CUBN: variants seen among roughly 807,000 people sequenced by gnomAD.
CUBN encodes the protein cubilin, also known as 460 kDa receptor.
In CUBN, 282 loss-of-function variants were observed where a neutral mutation model predicts 405.3. The ratio of observed to expected loss-of-function variants is 0.70; its 90% CI spans 0.63 to 0.77. The LOEUF is 0.77. Among genes scored for constraint, CUBN ranks in the 30% least tolerant of loss-of-function variants. The pLI is 0.00. For missense variants in CUBN, 4,514 were observed against 4,475.2 expected (o/e 1.01, Z -0.25); for synonymous variants, 1,684 against 1,617.0 (o/e 1.04, Z -0.99).
chr10:16,836,988 T>C (rs1467992771), intron 62 of CUBN, among the ~76,000 whole-genome samples: 1 of 152,088 alleles, frequency 6.6e-6, no homozygotes, highest in Non-Finnish European at 1.5e-5. Context: ...GTCAGGGTAT[T>C]TGCAGCCTCC....
At chr10:17,116,810 G>A (rs1836912430) in intron 6 of CUBN, among the ~76,000 whole-genome samples, 2 of 152,254 alleles carry the variant, frequency 1.3e-5, no homozygotes, top group South Asian at 4.1e-4. Context: ...GAAGAGGAGA[G>A]CAATGAGTGT....
chr10:16,993,067 G>A (rs1278089401), intron 28 of CUBN, among the ~76,000 whole-genome samples: 2 of 152,116 alleles, frequency 1.3e-5, no homozygotes, highest in African/African-American at 2.4e-5. Flanking sequence ...CATGTAACTC[G>A]TGTTAAGATG....
At chr10:16,994,078 C>G (rs759948535) in intron 28 of CUBN, among the ~76,000 whole-genome samples, 1 of 152,194 alleles carries the variant, frequency 6.6e-6, no homozygotes, top group African/African-American at 2.4e-5. Context: ...CATATGCATA[C>G]ATATGTAACA....
chr10:16,976,325 T>C (rs1297288693), intron 31 of CUBN, among the ~76,000 whole-genome samples: 1 of 152,130 alleles, frequency 6.6e-6, no homozygotes, highest in African/African-American at 2.4e-5. Flanking sequence ...TGGCCGGTAG[T>C]TACTTTTTTT....
At chr10:16,975,278 A>T (rs1463586853) in intron 31 of CUBN, among the ~76,000 whole-genome samples, 1 of 152,010 alleles carries the variant, frequency 6.6e-6, no homozygotes, top group Non-Finnish European at 1.5e-5. Context: ...TTGAGGTTTC[A>T]CTCCTGCTGT....
chr10:16,987,488 G>A (rs929570949), intron 29 of CUBN, among the ~76,000 whole-genome samples: 1 of 152,044 alleles, frequency 6.6e-6, no homozygotes, highest in African/African-American at 2.4e-5. Flanking sequence ...TCAGCATTCC[G>A]GGGTTATGAG....
chr10:17,020,476 C>T (rs1342208340), intron 27 of CUBN, among the ~76,000 whole-genome samples: 2 of 152,066 alleles, frequency 1.3e-5, no homozygotes, highest in African/African-American at 4.8e-5. Flanking sequence ...GGGTAGCCAT[C>T]CCTTCAAGAG....
chr10:16,880,955 GAAAT>G (rs917234338), intron 56 of CUBN, among the ~76,000 whole-genome samples: 1 of 152,076 alleles, frequency 6.6e-6, no homozygotes, highest in Non-Finnish European at 1.5e-5. Flanking sequence ...GGACAAAAAA[GAAAT>G]AAGTTAAACT....
intron 27 of CUBN, among the ~76,000 whole-genome samples, chr10:17,029,371 A>G (rs1352853036): frequency 6.6e-6 from 1 of 152,252 alleles, no homozygotes; most frequent in Non-Finnish European, 1.5e-5. Context: ...TAACTAAAAA[A>G]TCACATTTTA....
chr10:16,871,938 A>T (rs948451124), intron 58 of CUBN, among the ~76,000 whole-genome samples: 1 of 152,148 alleles, frequency 6.6e-6, no homozygotes, highest in Non-Finnish European at 1.5e-5. Context: ...AAACCTGCAG[A>T]TGTAGGCTGG....
intron 10 of CUBN, among the ~76,000 whole-genome samples, chr10:17,107,499 T>C (rs1836662314): frequency 6.8e-6 from 1 of 146,324 alleles, no homozygotes; most frequent in African/African-American, 2.5e-5. Flanking sequence ...TTGTTCTTTT[T>C]TTTTTTTTTT....
intron 2 of CUBN, among the ~76,000 whole-genome samples, chr10:17,128,523 G>A (rs1282189629): frequency 2.0e-5 from 3 of 152,154 alleles, no homozygotes; most frequent in Non-Finnish European, 4.4e-5. Flanking sequence ...AAGCAAACTG[G>A]TCACATGTCC....
intron 28 of CUBN, among the ~76,000 whole-genome samples, chr10:17,015,446 C>G (rs1325131609): frequency 1.3e-5 from 2 of 152,174 alleles, no homozygotes; most frequent in East Asian, 3.8e-4. Context: ...AGCAAAGTCT[C>G]CCAATTACAA....
At chr10:16,966,501 T>G (rs1458913195) in intron 31 of CUBN, among the ~76,000 whole-genome samples, 10 of 151,614 alleles carry the variant, frequency 6.6e-5, no homozygotes, top group Admixed American at 6.6e-4. Context: ...CAGAATGGAG[T>G]GCAGTGGTGC....
At chr10:16,981,214 G>A (rs74116790) in intron 31 of CUBN, among the ~76,000 whole-genome samples, 4,110 of 65,136 alleles carry the variant, frequency 0.063, 180 homozygotes, top group African/African-American at 0.13. Flanking sequence ...GAAGAGAGAA[G>A]TGTCTGAACG....
chr10:17,056,524 G>A (rs11254349), intron 22 of CUBN, among the ~76,000 whole-genome samples: 4,012 of 152,006 alleles, frequency 0.026, 196 homozygotes, highest in African/African-American at 0.091. Context: ...CAAGAGAATG[G>A]CGTGAACCCG....
At chr10:16,886,705 C>G (rs577265424) in intron 56 of CUBN, among the ~76,000 whole-genome samples, 3 of 152,276 alleles carry the variant, frequency 2.0e-5, no homozygotes, top group Admixed American at 2.0e-4. Context: ...ACTGAAGAGT[C>G]AGGACTGAGA....
At position 16,933,177 on chromosome 10, in the gene CUBN, C is replaced by A; in HGVS notation, c.6034G>T (p.Ala2012Ser). 1 of 1,613,976 alleles carries A rather than the reference C, an allele frequency of 6.2e-7. No individual in the cohort carries two copies. Among genetic ancestry groups the A allele is most frequent in the Non-Finnish European group, 8.5e-7 (1 of 1,179,994 alleles). The change falls in exon 40 of 67, where the codon GCT becomes TCT. Residue 2012 changes from alanine (A) to serine (S), a missense_variant. Physicochemically the swap from Ala to Ser is moderately conservative, Grantham distance 99. Around this residue, in one of 5 missense-constraint regions of CUBN, gnomAD observed 1,613 missense variants for 1,542.8 expected, o/e 1.05. Coordinates refer to ENST00000377833, the MANE Select transcript of CUBN (RefSeq NM_001081.4). ...TTGAGTTCCACGGTAGAGTCGGGAG[C>A]CTGGATGAGCCACGTACAGTCCACT... ...NRVDCTWLIQ[A>S]PDSTVELNIL...
intron 2 of CUBN, 54 bp downstream of exon 2, chr10:17,129,067 A>C: frequency 1.4e-6 from 2 of 1,447,350 alleles, no homozygotes; most frequent in Non-Finnish European, 1.9e-6. Flanking sequence ...TTGTTCAATT[A>C]AGTCACCGTA....
Sources: allele counts gnomAD v4.1 joint callset (sites outside exome capture counted in the v4.1 genomes callset), GRCh38; gene constraint gnomAD v4.1.1; regional missense constraint gnomAD v4.1.1; transcripts MANE v1.5; gene names NCBI Gene and HGNC (gene_info 2026-07-23, HGNC 2026-07-21).